PARD3: variants seen among roughly 807,000 people sequenced by gnomAD.
The protein encoded by PARD3 is par-3 family cell polarity regulator, also known as partitioning defective 3 homolog.
Under a neutral mutation model 155.4 loss-of-function variants are expected in PARD3, and 75 were observed. The ratio of observed to expected loss-of-function variants is 0.48; its 90% CI spans 0.40 to 0.58. PARD3 has a LOEUF of 0.58. Ranked by LOEUF, PARD3 falls within the 20% of genes least tolerant of loss-of-function variation. The probability of loss-of-function intolerance (pLI) is 0.00; values close to 1 mark genes in which losing one functional copy is unlikely to be tolerated. For missense variants in PARD3, 1,642 were observed against 1,721.7 expected (o/e 0.95, Z 0.82); for synonymous variants, 576 against 610.5 (o/e 0.94, Z 0.83).
At chr10:34,399,236 C>T in intron 7 of PARD3, 94 bp downstream of exon 7, 1 of 802,684 alleles carries the variant, frequency 1.2e-6, no homozygotes, top group South Asian at 1.4e-5. Context: ...TCCTATTAAG[C>T]ATATGCTAAG....
At chr10:34,409,046 A>G (rs3851066) in intron 5 of PARD3, among the ~76,000 whole-genome samples, 88,974 of 151,822 alleles carry the variant, frequency 0.59, 28,251 homozygotes, top group African/African-American at 0.85. Context: ...CACTGTATAT[A>G]AGCGCCATCC....
At position 34,771,422 on chromosome 10, in the gene PARD3, T is replaced by C. The variant is rs141434998; in HGVS notation, c.120+43454A>G. On this transcript the variant is annotated intron_variant, in intron 1 of 24. Transcript: ENST00000374788. ...CACGTGTAGCATAGTGCCTGGCACA[T>C]GGGGAGCAAAGAGTGAAGGAAGGCT... 2.5e-3 allele frequency among the ~76,000 whole-genome samples: 379 copies of C among 152,292 alleles called. 3 individuals carry two copies. Among genetic ancestry groups the C allele is most frequent in the African/African-American group, 8.5e-3 (352 of 41,560 alleles).
chr10:34,252,729 T>C (rs947236360), intron 22 of PARD3, among the ~76,000 whole-genome samples: 6 of 151,104 alleles, frequency 4.0e-5, no homozygotes, highest in Non-Finnish European at 7.4e-5. Flanking sequence ...TATATAACTT[T>C]ATATATATGT....
At chr10:34,216,363 A>C (rs925948540) in intron 22 of PARD3, among the ~76,000 whole-genome samples, 3 of 152,252 alleles carry the variant, frequency 2.0e-5, no homozygotes, top group African/African-American at 7.2e-5. Flanking sequence ...GCAACATTTT[A>C]GACAGCAAAT....
intron 1 of PARD3, among the ~76,000 whole-genome samples, chr10:34,781,160 C>T (rs921111659): frequency 1.3e-5 from 2 of 152,168 alleles, no homozygotes; most frequent in African/African-American, 2.4e-5. Context: ...TGCAGAGGCT[C>T]ACACGAGCAT....
At chr10:34,514,715 G>A (rs1363111980) in intron 3 of PARD3, among the ~76,000 whole-genome samples, 1 of 152,122 alleles carries the variant, frequency 6.6e-6, no homozygotes, top group African/African-American at 2.4e-5. Context: ...AGAGATATTT[G>A]GGGTTTAAAA....
intron 3 of PARD3, among the ~76,000 whole-genome samples, chr10:34,479,510 T>G (rs1220451672): frequency 1.3e-5 from 2 of 152,056 alleles, no homozygotes; most frequent in Non-Finnish European, 2.9e-5. Context: ...AAAATCCCAG[T>G]TGCAAATTCT....
intron 22 of PARD3, among the ~76,000 whole-genome samples, chr10:34,133,988 T>G (rs1012507045): frequency 6.6e-6 from 1 of 152,236 alleles, no homozygotes; most frequent in Non-Finnish European, 1.5e-5. Flanking sequence ...CTGAACTGAT[T>G]GGCCTGGAAC....
rs191190523 is a variant in PARD3 at position 34,807,849 on chromosome 10, T to C, written c.120+7027A>G. ...ACTTGCAAGGACCAATATGAGTTGA[T>C]GGAGAAAAAAGGAATACACAAAAGT... On this transcript the variant is annotated intron_variant, in intron 1 of 24. Transcript: ENST00000374788. Among the ~76,000 whole-genome samples the C allele has an allele frequency of 3.4e-3, 517 of 151,984 alleles. 4 individuals carry two copies. Among genetic ancestry groups the C allele is most frequent in the African/African-American group, 0.011 (458 of 41,422 alleles).
intron 5 of PARD3, among the ~76,000 whole-genome samples, chr10:34,402,706 T>C (rs1264783610): frequency 6.6e-6 from 1 of 152,180 alleles, no homozygotes; most frequent in Non-Finnish European, 1.5e-5. Context: ...AGAAATTCAA[T>C]AAGTTTGCTG....
chr10:34,562,297 C>T (rs1003087377), intron 2 of PARD3, among the ~76,000 whole-genome samples: 1 of 151,608 alleles, frequency 6.6e-6, no homozygotes, highest in African/African-American at 2.4e-5. Context: ...ATCAGCTGGG[C>T]GTGGTGGCAT....
chr10:34,204,380 A>T (rs1234553765), intron 22 of PARD3, among the ~76,000 whole-genome samples: 3 of 152,214 alleles, frequency 2.0e-5, no homozygotes, highest in African/African-American at 7.2e-5. Context: ...CAGGCTGGAA[A>T]GCATAACCTC....
intron 22 of PARD3, among the ~76,000 whole-genome samples, chr10:34,176,875 T>A (rs1437244114): frequency 6.6e-6 from 1 of 152,130 alleles, no homozygotes; most frequent in East Asian, 1.9e-4. Flanking sequence ...AAATTGTCAA[T>A]GGAAAGTGAT....
chr10:34,291,896 G>A (rs1425781846), intron 20 of PARD3, among the ~76,000 whole-genome samples: 1 of 152,178 alleles, frequency 6.6e-6, no homozygotes, highest in Non-Finnish European at 1.5e-5. Context: ...ATCAATCAAT[G>A]AGTAAATCTT....
At chr10:34,482,951 C>T (rs2079183643) in intron 3 of PARD3, among the ~76,000 whole-genome samples, 1 of 151,736 alleles carries the variant, frequency 6.6e-6, no homozygotes, top group African/African-American at 2.4e-5. Flanking sequence ...GAGTTCAAGA[C>T]CATCCTGACC....
intron 22 of PARD3, among the ~76,000 whole-genome samples, chr10:34,212,236 T>A (rs1032390447): frequency 2.6e-5 from 4 of 152,168 alleles, no homozygotes; most frequent in African/African-American, 9.7e-5. Context: ...TATTCCCCTG[T>A]GTTCCCACAA....
intron 5 of PARD3, among the ~76,000 whole-genome samples, chr10:34,414,428 G>A (rs1016657127): frequency 2.6e-5 from 4 of 152,068 alleles, no homozygotes; most frequent in Non-Finnish European, 4.4e-5. Context: ...CTTGCAACTT[G>A]GATAGGACTG....
intron 21 of PARD3, among the ~76,000 whole-genome samples, chr10:34,278,818 C>T (rs1956017053): frequency 6.6e-6 from 1 of 152,130 alleles, no homozygotes; most frequent in African/African-American, 2.4e-5. Flanking sequence ...GTCTGATACA[C>T]TTAATATATT....
chr10:34,597,172 C>T (rs910918118), intron 2 of PARD3, among the ~76,000 whole-genome samples: 22 of 152,132 alleles, frequency 1.4e-4, no homozygotes, highest in Admixed American at 5.9e-4. Flanking sequence ...TTGTCAGTCG[C>T]CTTGGATTTG....
Sources: allele counts gnomAD v4.1 joint callset (sites outside exome capture counted in the v4.1 genomes callset), GRCh38; gene constraint gnomAD v4.1.1; transcripts MANE v1.5; gene names NCBI Gene and HGNC (gene_info 2026-07-23, HGNC 2026-07-21).